The following RAB37 variants were observed in gnomAD, a reference collection of about 807,000 sequenced individuals.
RAB37 encodes the protein RAB37, member RAS oncogene family, also known as ras-related protein Rab-37.
Under a neutral mutation model 33.1 loss-of-function variants are expected in RAB37, and 29 were observed. The observed-to-expected ratio is 0.88, with a 90% CI of 0.65 to 1.20. The LOEUF (loss-of-function observed/expected upper bound fraction) is 1.20. Among genes scored for constraint, RAB37 ranks in the 50% most tolerant of loss-of-function variants. The pLI, the probability that RAB37 is intolerant of heterozygous loss-of-function variation, is 0.00. For synonymous variants in RAB37, 128 were observed against 119.5 expected (o/e 1.07, Z -0.47); for missense variants, 299 against 301.1 (o/e 0.99, Z 0.05).
intron 1 of RAB37, among the ~76,000 whole-genome samples, chr17:74,706,010 G>A (rs549836162): frequency 5.3e-5 from 8 of 152,204 alleles, no homozygotes; most frequent in African/African-American, 1.2e-4. Context: ...ACCAAATACC[G>A]CATGTTCTCA....
At chr17:74,674,014 C>T (rs952447521) in intron 1 of RAB37, among the ~76,000 whole-genome samples, 3 of 152,156 alleles carry the variant, frequency 2.0e-5, no homozygotes, top group African/African-American at 7.2e-5. Context: ...CCAAGGAGTT[C>T]CCATTGATTG....
chr17:74,745,226 A>G lies in RAB37; in HGVS notation c.567-80A>G. 6.5e-7 allele frequency: 1 copy of G among 1,539,276 alleles called. No individual in the cohort carries two copies. Among genetic ancestry groups the G allele is most frequent in the Non-Finnish European group, 9.0e-7 (1 of 1,113,334 alleles). ...CCATTTGCTCTGGGAGCACTGGGCC[A>G]CTGGGAGAGGGGAGGGGGCGGCTCA... On this transcript the variant is annotated intron_variant, in intron 8 of 8. Coordinates refer to ENST00000392613, the MANE Select transcript of RAB37 (RefSeq NM_001006638.3). The surrounding 1 kb of genome is among the most constrained non-coding windows in gnomAD (Gnocchi z 4.5).
intron 1 of RAB37, among the ~76,000 whole-genome samples, chr17:74,684,122 C>G (rs879426523): frequency 2.0e-4 from 30 of 152,092 alleles, no homozygotes; most frequent in Non-Finnish European, 4.0e-4. Context: ...ACGAGTCTCT[C>G]TCTGTCACCC....
upstream of RAB37, among the ~76,000 whole-genome samples, chr17:74,733,665 G>T (rs544237792): frequency 6.6e-6 from 1 of 151,582 alleles, no homozygotes; most frequent in East Asian, 1.9e-4. Flanking sequence ...CTACCACAGC[G>T]CATACACAGC....
At chr17:74,675,986 C>T (rs769448485) in intron 1 of RAB37, among the ~76,000 whole-genome samples, 3 of 152,090 alleles carry the variant, frequency 2.0e-5, no homozygotes, top group Non-Finnish European at 4.4e-5. Context: ...AACAAAGGAG[C>T]AACCTGGCTG....
intron 1 of RAB37, among the ~76,000 whole-genome samples, chr17:74,718,780 C>T (rs537378711): frequency 6.6e-6 from 1 of 152,312 alleles, no homozygotes; most frequent in African/African-American, 2.4e-5. Context: ...TCCTGCCACA[C>T]AGAAATAACT....
chr17:74,717,823 A>C (rs970095059), intron 1 of RAB37, among the ~76,000 whole-genome samples: 1 of 151,182 alleles, frequency 6.6e-6, no homozygotes, highest in South Asian at 2.1e-4. Context: ...AAAAAAAAAA[A>C]AAAACAGAAA....
intron 1 of RAB37, among the ~76,000 whole-genome samples, chr17:74,713,823 G>A (rs1357007083): frequency 1.4e-5 from 2 of 141,410 alleles, no homozygotes; most frequent in Non-Finnish European, 3.0e-5. Flanking sequence ...AGCACTTTAG[G>A]AGGCTGAGGC....
Position 74,742,775 on chromosome 17 carries a change from G to A in RAB37, c.247-354G>A, listed in dbSNP as rs929942436. Among the ~76,000 whole-genome samples, 2 of 152,002 alleles carry A rather than the reference G, an allele frequency of 1.3e-5. No individual in the cohort carries two copies. Among genetic ancestry groups the A allele is most frequent in the African/African-American group, 4.8e-5 (2 of 41,366 alleles). On this transcript the variant is annotated intron_variant, in intron 3 of 8. Transcript: ENST00000392613. This position sits in a 1 kb window ranked among gnomAD's most constrained non-coding sequence, Gnocchi z 4.0. The stretch of plus-strand genomic sequence containing the variant: ...TGAGTAGCTGAGACTACAGGTGCAT[G>A]CCACCACACCTGGCTAATTTTTTGT...
At chr17:74,703,203 C>T (rs1486437409) in intron 1 of RAB37, 11 of 1,384,300 alleles carry the variant, frequency 7.9e-6, no homozygotes, top group Non-Finnish European at 1.0e-5. Flanking sequence ...TGAGCCCACC[C>T]GCAGCCCTGC....
chr17:74,717,956 G>T (rs1340239614), intron 1 of RAB37, among the ~76,000 whole-genome samples: 2 of 152,018 alleles, frequency 1.3e-5, no homozygotes, highest in Non-Finnish European at 2.9e-5. Context: ...CCTTGACCTT[G>T]GACTCTCCAG....
chr17:74,731,420 C>G (rs767016184), intron 2 of RAB37, among the ~76,000 whole-genome samples: 1 of 152,206 alleles, frequency 6.6e-6, no homozygotes, highest in Non-Finnish European at 1.5e-5. Context: ...GTGACTACCT[C>G]GGGCATGCCT....
At chr17:74,737,895 C>G (rs1225022962) in intron 1 of RAB37, among the ~76,000 whole-genome samples, 1 of 152,198 alleles carries the variant, frequency 6.6e-6, no homozygotes, top group Non-Finnish European at 1.5e-5. Context: ...TCCCTGCAGT[C>G]GGAAGCCGCT....
Position 74,742,278 on chromosome 17 carries a change from G to C in RAB37, c.229G>C (p.Val77Leu). 6.2e-7 allele frequency: 1 copy of C among 1,613,308 alleles called. No homozygotes were observed. Among genetic ancestry groups the C allele is most frequent in the Non-Finnish European group, 8.5e-7 (1 of 1,179,516 alleles). Residue 77 changes from valine (V) to leucine (L), a missense_variant, in exon 3 of 9, where the codon GTG becomes CTG. By Grantham distance (32) the Val-to-Leu change is conservative. Coordinates refer to ENST00000392613, the MANE Select transcript of RAB37 (RefSeq NM_001006638.3). This position sits in a 1 kb window ranked among gnomAD's most constrained non-coding sequence, Gnocchi z 4.0. ...GAACAAGGTGGTGACTGTGGATGGC[G>C]TGAGAGTGAAGCTGCAGGTGAGACC... ...FRNKVVTVDG[V>L]RVKLQIWDTA...
In RAB37 at chr17:74,742,776, C is replaced by T. The variant is rs2144082776; in HGVS notation, c.247-353C>T. On this transcript the variant is annotated intron_variant, in intron 3 of 8. Transcript: ENST00000392613. This position sits in a 1 kb window ranked among gnomAD's most constrained non-coding sequence, Gnocchi z 4.0. Reference sequence around the variant, plus strand: ...GAGTAGCTGAGACTACAGGTGCATGCCACCACACCTGGCTAATTTTTTGTA... The same window carrying T: ...GAGTAGCTGAGACTACAGGTGCATGTCACCACACCTGGCTAATTTTTTGTA... Among the ~76,000 whole-genome samples the T allele has an allele frequency of 6.6e-6, 1 of 152,206 alleles. No individual in the cohort carries two copies. The highest frequency in any genetic ancestry group is 1.9e-4 in the East Asian group (1 of 5,178).
chr17:74,718,468 G>T (rs1373160667), intron 1 of RAB37, among the ~76,000 whole-genome samples: 2 of 152,022 alleles, frequency 1.3e-5, no homozygotes, highest in African/African-American at 4.8e-5. Flanking sequence ...TGTCATCTTT[G>T]CTACCTGCTC....
intron 1 of RAB37, among the ~76,000 whole-genome samples, chr17:74,673,407 C>CAAA (rs35423662): frequency 1.5e-5 from 2 of 137,904 alleles, no homozygotes; most frequent in African/African-American, 5.5e-5. Flanking sequence ...GACCTTGTCT[C>CAAA]AAAAAAAAAA....
intron 1 of RAB37, among the ~76,000 whole-genome samples, chr17:74,675,865 G>C (rs2031819761): frequency 6.6e-6 from 1 of 152,222 alleles, no homozygotes; most frequent in Admixed American, 6.5e-5. Context: ...GGGTGGGCTG[G>C]AAGCTGGGAA....
intron 1 of RAB37, among the ~76,000 whole-genome samples, chr17:74,688,446 G>A (rs763027923): frequency 1.3e-5 from 2 of 151,934 alleles, no homozygotes; most frequent in Non-Finnish European, 2.9e-5. Context: ...CCAGCTACTT[G>A]GGAGGCTGAG....
Sources: allele counts gnomAD v4.1 joint callset (sites outside exome capture counted in the v4.1 genomes callset), GRCh38; gene constraint gnomAD v4.1.1; non-coding constraint Gnocchi (gnomAD v3.1); transcripts MANE v1.5; gene names NCBI Gene and HGNC (gene_info 2026-07-23, HGNC 2026-07-21).